The following BTBD7 variants were observed in gnomAD, a reference collection of about 807,000 sequenced individuals.
BTBD7 encodes BTB domain containing 7.
BTBD7 carries 38 observed loss-of-function variants against 99.9 expected under a neutral mutation model. That is an observed-to-expected ratio of 0.38 (90% CI 0.29 to 0.50). BTBD7 has a LOEUF of 0.50. Among genes scored for constraint, BTBD7 ranks in the 20% least tolerant of loss-of-function variants. BTBD7 has a pLI of 0.93. For missense variants in BTBD7, 1,170 were observed against 1,394.6 expected (o/e 0.84, Z 2.57); for synonymous variants, 520 against 511.4 (o/e 1.02, Z -0.23).
intron 1 of BTBD7, among the ~76,000 whole-genome samples, chr14:93,318,275 A>G (rs901048549): frequency 1.3e-5 from 2 of 152,230 alleles, no homozygotes; most frequent in Non-Finnish European, 2.9e-5. Context: ...CAAGGAAATT[A>G]CCATAAAGAT....
intron 1 of BTBD7, among the ~76,000 whole-genome samples, chr14:93,305,079 A>C (rs1239237202): frequency 6.6e-6 from 1 of 152,276 alleles, no homozygotes; most frequent in Non-Finnish European, 1.5e-5. Context: ...ATAAATAAGA[A>C]GACAATAATG....
chr14:93,246,413 T>C (rs2052312038), intron 9 of BTBD7, 127 bp from the exon 10 acceptor site: 4 of 1,091,918 alleles, frequency 3.7e-6, no homozygotes, highest in Non-Finnish European at 5.0e-6. Context: ...AAAAGCATAA[T>C]ATATTTTTCT....
Position 93,240,260 on chromosome 14 carries a change from T to C in BTBD7, c.*2013A>G, listed in dbSNP as rs2052209368. 6.6e-6 allele frequency: 1 copy of C among 152,568 alleles called. No individual in the cohort carries two copies. The highest frequency in any genetic ancestry group is 2.4e-5 in the African/African-American group (1 of 41,474). The allele number at this position is 152,568 out of a possible 1,614,324, so 9.5% of individuals were successfully genotyped here. A position where few individuals can be genotyped will look rare whatever the true frequency, so the allele number is the denominator to read the frequency against. On this transcript the variant is annotated 3_prime_UTR_variant, in exon 11 of 11. Coordinates refer to ENST00000334746, the MANE Select transcript of BTBD7 (RefSeq NM_001002860.4). ...CTAACCAGTCAGGCAGCAGAACGAGTGGCGGCAGTTTGCCGGGGCGTGCAG... is the reference window on the plus strand; with the variant it reads ...CTAACCAGTCAGGCAGCAGAACGAGCGGCGGCAGTTTGCCGGGGCGTGCAG...
At position 93,332,896 on chromosome 14, in the gene BTBD7, G is replaced by T; in HGVS notation, c.-183C>A. ...CTCCGCCGCCGCCGCCACCAGCACC[G>T]CCGTCCGCACCGGCGCCAGCACCCC... On this transcript the variant is annotated 5_prime_UTR_variant, in exon 1 of 11. Coordinates refer to ENST00000334746, the MANE Select transcript of BTBD7 (RefSeq NM_001002860.4). 7.1e-7 allele frequency: 1 copy of T among 1,401,718 alleles called. No homozygotes were observed. Among genetic ancestry groups the T allele is most frequent in the Non-Finnish European group, 9.4e-7 (1 of 1,061,074 alleles). The allele number at this position is 1,401,718 out of a possible 1,614,324, so 86.8% of individuals were successfully genotyped here.
intron 1 of BTBD7, among the ~76,000 whole-genome samples, chr14:93,318,028 G>T (rs1397420222): frequency 6.6e-6 from 1 of 152,170 alleles, no homozygotes; most frequent in Non-Finnish European, 1.5e-5. Context: ...GTTGCCCCAT[G>T]GGCATTTTCG....
chr14:93,287,987 T>A lies in BTBD7; in HGVS notation c.1162+5871A>T, dbSNP rs117723109. On this transcript the variant is annotated intron_variant, in intron 3 of 10. Transcript: ENST00000334746. ...ATTGACTGTTTGGCTAAATATAGGA[T>A]TTTGTGTTTAAAATAATTTTCCATC... The A allele has an allele frequency of 3.5e-3, 535 of 153,134 alleles. 12 individuals carry two copies. The South Asian group carries it at 0.052, about 15-fold the overall frequency. 9.5% of individuals were successfully genotyped at this position (153,134 alleles called of 1,614,324 possible).
At chr14:93,269,811 G>A (rs2052582146) in intron 3 of BTBD7, among the ~76,000 whole-genome samples, 1 of 152,076 alleles carries the variant, frequency 6.6e-6, no homozygotes, top group Non-Finnish European at 1.5e-5. Flanking sequence ...TTAGGGAACT[G>A]GGCTTGCCTT....
At chr14:93,265,002 T>G (rs190690463) in intron 3 of BTBD7, among the ~76,000 whole-genome samples, 3 of 152,254 alleles carry the variant, frequency 2.0e-5, no homozygotes, top group African/African-American at 7.2e-5. Flanking sequence ...GGCAGGAGAA[T>G]CACTTGAACT....
chr14:93,268,999 T>C (rs902658956), intron 3 of BTBD7, among the ~76,000 whole-genome samples: 4 of 152,074 alleles, frequency 2.6e-5, no homozygotes, highest in Non-Finnish European at 5.9e-5. Flanking sequence ...TCTCAGGTGA[T>C]CCGCCCGCCT....
chr14:93,267,707 C>T (rs1314692758), intron 3 of BTBD7, among the ~76,000 whole-genome samples: 2 of 152,184 alleles, frequency 1.3e-5, no homozygotes, highest in Non-Finnish European at 2.9e-5. Flanking sequence ...GATCTCAGTA[C>T]TATTATTGGG....
At chr14:93,256,935 G>C (rs1486347328) in intron 6 of BTBD7, 1 of 420,884 alleles carries the variant, frequency 2.4e-6, no homozygotes, top group Non-Finnish European at 4.2e-6. Flanking sequence ...TTAAATGACA[G>C]AATTAACTCT....
At chr14:93,287,310 C>T (rs943279155) in intron 3 of BTBD7, among the ~76,000 whole-genome samples, 3 of 147,646 alleles carry the variant, frequency 2.0e-5, no homozygotes, top group Non-Finnish European at 4.5e-5. Context: ...AATGCTAACC[C>T]TAAACCCCCC....
At chr14:93,292,943 T>C (rs2052876257) in intron 3 of BTBD7, among the ~76,000 whole-genome samples, 1 of 152,224 alleles carries the variant, frequency 6.6e-6, no homozygotes, top group Non-Finnish European at 1.5e-5. Flanking sequence ...TTTAAATTCA[T>C]GTCTCTTACC....
Position 93,242,703 on chromosome 14 carries a change from G to A in BTBD7, c.2969C>T (p.Ser990Leu), listed in dbSNP as rs759081251. 3 of 1,614,188 alleles carry A rather than the reference G, an allele frequency of 1.9e-6. No homozygotes were observed. The highest frequency in any genetic ancestry group is 2.5e-6 in the Non-Finnish European group (3 of 1,180,042). ...HNKASPSGLK[S>L]AYLPGQTSPK... ...AGACGTCTGACCAGGTAGGTAGGCTGACTTTAAGCCACTTGGTGATGCCTT... is the reference window on the plus strand; with the variant it reads ...AGACGTCTGACCAGGTAGGTAGGCTAACTTTAAGCCACTTGGTGATGCCTT... Residue 990 changes from serine (S) to leucine (L), a missense_variant, in exon 11 of 11, where the codon TCA (serine) becomes TTA (leucine). Coordinates refer to ENST00000334746, the MANE Select transcript of BTBD7 (RefSeq NM_001002860.4).
intron 3 of BTBD7, among the ~76,000 whole-genome samples, chr14:93,287,081 T>C (rs1348471250): frequency 6.6e-6 from 1 of 151,766 alleles, no homozygotes; most frequent in East Asian, 1.9e-4. Flanking sequence ...CACAAAAAAT[T>C]AGCCGGGCAT....
At chr14:93,288,607 G>A in intron 3 of BTBD7, 1 of 1,003,504 alleles carries the variant, frequency 1.0e-6, no homozygotes, top group Non-Finnish European at 1.6e-6. Flanking sequence ...TTCCTCAAAT[G>A]TCCAGTTATC....
chr14:93,239,875 C>CG lies in BTBD7; in HGVS notation c.*2397dup, dbSNP rs200783356. ...ATCAACAGCTCTGGTCTAACATTTG[C>CG]GGGGGGGGAAGGGTCAGGGATGAGA... On this transcript the variant is annotated 3_prime_UTR_variant, in exon 11 of 11. Transcript: ENST00000334746. The CG allele has an allele frequency of 5.9e-3, 897 of 150,970 alleles. 14 individuals carry two copies. The highest frequency in any genetic ancestry group is 0.054 in the South Asian group (256 of 4,744). 9.4% of individuals were successfully genotyped at this position (150,970 alleles called of 1,614,324 possible).
intron 1 of BTBD7, among the ~76,000 whole-genome samples, chr14:93,300,073 G>C (rs1248877753): frequency 1.3e-5 from 2 of 152,064 alleles, no homozygotes; most frequent in Non-Finnish European, 2.9e-5. Context: ...AGGTATCTAG[G>C]ATTCGGTTAT....
intron 3 of BTBD7, among the ~76,000 whole-genome samples, chr14:93,283,906 T>C (rs796934589): frequency 6.4e-4 from 97 of 152,294 alleles, no homozygotes; most frequent in Middle Eastern, 3.4e-3. Flanking sequence ...CCACTTTCAA[T>C]AGACAAAGAA....
Sources: gnomAD v4.1 joint callset for allele counts (sites outside exome capture counted in the v4.1 genomes callset) on GRCh38, gnomAD v4.1.1 for gene constraint, MANE v1.5 for transcripts, NCBI Gene and HGNC (gene_info 2026-07-23, HGNC 2026-07-21) for gene names.